CCR3: variants seen among roughly 807,000 people sequenced by gnomAD.
The protein encoded by CCR3 is C-C motif chemokine receptor 3.
For synonymous variants in CCR3, 203 were observed against 179.2 expected (o/e 1.13, Z -1.06); for missense variants, 419 against 437.5 (o/e 0.96, Z 0.38).
intron 1 of CCR3, among the ~76,000 whole-genome samples, chr3:46,244,376 G>T (rs1392029833): frequency 6.6e-6 from 1 of 152,204 alleles, no homozygotes; most frequent in African/African-American, 2.4e-5. Flanking sequence ...TATCTTTCAT[G>T]CGCGTCCGTG....
rs145945709 is a variant in CCR3, at chr3:46,264,556, A to T, written c.-11-592A>T. 516 of 691,304 alleles carry T rather than the reference A, an allele frequency of 7.5e-4. 8 individuals carry two copies. In the African/African-American group the frequency reaches 7.6e-3, roughly 10 times the overall value. 42.8% of individuals were successfully genotyped at this position (691,304 alleles called of 1,614,324 possible). On this transcript the variant is annotated intron_variant, in intron 1 of 1. Transcript: ENST00000395940. The stretch of plus-strand genomic sequence containing the variant: ...GATAGAGACTAAAGATCTAGCCCAA[A>T]TTTTATATTTACTTGTTAGAGGATT...
Position 46,228,924 on chromosome 3 carries a change from G to T in CCR3, c.-67-13478G>T, listed in dbSNP as rs571192528. Among the ~76,000 whole-genome samples the T allele has an allele frequency of 2.0e-4, 31 of 152,322 alleles. 1 individual carries two copies. The South Asian group carries it at 6.2e-3, about 31-fold the overall frequency. On this transcript the variant is annotated intron_variant, in intron 2 of 3. Coordinates refer to the CCR3 transcript ENST00000357422. ...TATTCTTACCATGTGTGTGTCATTT[G>T]GTTGTTGTGCTTGCTATTATCAAAA...
intron 1 of CCR3, among the ~76,000 whole-genome samples, chr3:46,245,548 A>G (rs1303290538): frequency 6.6e-6 from 1 of 151,814 alleles, no homozygotes; most frequent in Non-Finnish European, 1.5e-5. Context: ...TCCAAATATG[A>G]TTATTTTCCT....
intron 2 of CCR3, among the ~76,000 whole-genome samples, chr3:46,236,226 A>C (rs539404397): frequency 1.2e-4 from 19 of 152,154 alleles, no homozygotes; most frequent in Non-Finnish European, 2.8e-4. Flanking sequence ...GCACCAGCAG[A>C]AGTGTGACCT....
At chr3:46,225,852 T>C (rs528398812) in intron 2 of CCR3, among the ~76,000 whole-genome samples, 69 of 152,360 alleles carry the variant, frequency 4.5e-4, no homozygotes, top group African/African-American at 1.2e-3. Context: ...TTACTTCTTG[T>C]ATAAGGTGTG....
rs1575516012 is a variant in CCR3, at chr3:46,266,115, C to T, written c.957C>T (p.His319=). ...ACCTGCGCCACTTCTTCCACAGGCA[C>T]TTGCTCATGCACCTGGGCAGATACA... is the stretch of plus-strand genomic sequence containing the variant. ...RKYLRHFFHR[H]LLMHLGRYIP... The change falls in exon 2 of 2, where the codon CAC becomes CAT. Residue 319 remains histidine (H), a synonymous_variant. Coordinates refer to ENST00000395940, the MANE Select transcript of CCR3 (RefSeq NM_178329.3). 1 of 1,614,086 alleles carries T rather than the reference C, an allele frequency of 6.2e-7. No individual in the cohort carries two copies. Among genetic ancestry groups the T allele is most frequent in the Non-Finnish European group, 8.5e-7 (1 of 1,179,994 alleles).
At chr3:46,230,986 G>A (rs1446227355) in intron 2 of CCR3, among the ~76,000 whole-genome samples, 3 of 152,112 alleles carry the variant, frequency 2.0e-5, no homozygotes, top group Admixed American at 6.5e-5. Flanking sequence ...GTGCAGTGGC[G>A]CGATCTTGGC....
At chr3:46,237,142 A>G (rs940042573) in intron 2 of CCR3, among the ~76,000 whole-genome samples, 2 of 152,186 alleles carry the variant, frequency 1.3e-5, no homozygotes, top group Non-Finnish European at 1.5e-5. Flanking sequence ...GGTTGATTCC[A>G]TATCTTAACT....
At chr3:46,243,146 C>A (rs1320372853) in intron 1 of CCR3, among the ~76,000 whole-genome samples, 1 of 151,706 alleles carries the variant, frequency 6.6e-6, no homozygotes, top group South Asian at 2.1e-4. Context: ...TGATAACCTA[C>A]AAATATCCTC....
At chr3:46,244,025 A>G (rs1173289122) in intron 1 of CCR3, among the ~76,000 whole-genome samples, 1 of 152,204 alleles carries the variant, frequency 6.6e-6, no homozygotes, top group Non-Finnish European at 1.5e-5. Flanking sequence ...TAGTGCCAAG[A>G]GTATATATAT....
chr3:46,251,188 C>T (rs1380546489), intron 1 of CCR3, among the ~76,000 whole-genome samples: 3 of 152,090 alleles, frequency 2.0e-5, no homozygotes, highest in Non-Finnish European at 4.4e-5. Context: ...GGCGTCCCTG[C>T]GTGGTCTGAC....
At chr3:46,260,260 G>A (rs1387755153) in intron 1 of CCR3, among the ~76,000 whole-genome samples, 4 of 151,990 alleles carry the variant, frequency 2.6e-5, no homozygotes, top group Non-Finnish European at 2.9e-5. Context: ...ATTCTACCCC[G>A]GCCCCTCCCA....
At chr3:46,259,211 C>T (rs555457767) in intron 1 of CCR3, among the ~76,000 whole-genome samples, 51 of 152,324 alleles carry the variant, frequency 3.3e-4, no homozygotes, top group Admixed American at 8.5e-4. Context: ...TAGTTCAAAA[C>T]TGTCAGAAAC....
intron 1 of CCR3, among the ~76,000 whole-genome samples, chr3:46,258,997 T>C (rs969335686): frequency 2.6e-5 from 4 of 152,206 alleles, no homozygotes; most frequent in African/African-American, 9.6e-5. Flanking sequence ...TTAAAAAATA[T>C]GGCTGTTTCA....
At chr3:46,214,927 C>T (rs541624634) in intron 2 of CCR3, among the ~76,000 whole-genome samples, 66 of 152,262 alleles carry the variant, frequency 4.3e-4, no homozygotes, top group Non-Finnish European at 7.4e-4. Context: ...ACACAAGTTT[C>T]TGGGGTGGTT....
At chr3:46,228,539 A>G (rs1699928815) in intron 2 of CCR3, among the ~76,000 whole-genome samples, 1 of 152,286 alleles carries the variant, frequency 6.6e-6, no homozygotes. Context: ...TAATGATATG[A>G]CATAATCTTC....
At chr3:46,244,671 T>A (rs1275461052) in intron 1 of CCR3, among the ~76,000 whole-genome samples, 1 of 152,218 alleles carries the variant, frequency 6.6e-6, no homozygotes, top group Non-Finnish European at 1.5e-5. Context: ...CCAGCCATTT[T>A]CACTTCTTTT....
chr3:46,253,619 A>C (rs1044351936), intron 1 of CCR3, among the ~76,000 whole-genome samples: 1 of 152,214 alleles, frequency 6.6e-6, no homozygotes, highest in African/African-American at 2.4e-5. Flanking sequence ...ATTAAGATTA[A>C]ATTTAACTAA....
intron 1 of CCR3, among the ~76,000 whole-genome samples, chr3:46,254,465 C>T (rs1023679404): frequency 6.8e-6 from 1 of 146,686 alleles, no homozygotes; most frequent in Admixed American, 6.8e-5. Context: ...AGTATTTTTC[C>T]CCCCTGGGTT....
Sources: gnomAD v4.1 joint callset for allele counts (sites outside exome capture counted in the v4.1 genomes callset) on GRCh38, gnomAD v4.1.1 for gene constraint, MANE v1.5 for transcripts, NCBI Gene and HGNC (gene_info 2026-07-23, HGNC 2026-07-21) for gene names.